The following C6orf89 variants were observed in gnomAD, a reference collection of about 807,000 sequenced individuals.
The protein encoded by C6orf89 is bombesin receptor-activated protein C6orf89.
Under a neutral mutation model 40.7 loss-of-function variants are expected in C6orf89, and 29 were observed. That is an observed-to-expected ratio of 0.71 (90% CI 0.53 to 0.97). The LOEUF is 0.97. Among genes scored for constraint, C6orf89 ranks in the 50% least tolerant of loss-of-function variants. The pLI, the probability that C6orf89 is intolerant of heterozygous loss-of-function variation, is 0.00. For missense variants in C6orf89, 392 were observed against 429.1 expected, an observed-to-expected ratio of 0.91 and a Z score of 0.76; for synonymous variants, 165 against 152.2, an observed-to-expected ratio of 1.08 and a Z score of -0.62.
upstream of C6orf89, among the ~76,000 whole-genome samples, chr6:36,882,292 T>C (rs1199564280): frequency 6.6e-6 from 1 of 152,278 alleles, no homozygotes; most frequent in Non-Finnish European, 1.5e-5. Context: ...AATCAAGCTC[T>C]AGATTATCAT....
chr6:36,888,223 T>C (rs1775066740), intron 1 of C6orf89, among the ~76,000 whole-genome samples: 1 of 152,148 alleles, frequency 6.6e-6, no homozygotes, highest in African/African-American at 2.4e-5. Context: ...AAATCTAGAA[T>C]TTGCATCCAG....
chr6:36,910,430 A>G (rs1190046378), intron 4 of C6orf89, among the ~76,000 whole-genome samples: 8 of 152,162 alleles, frequency 5.3e-5, no homozygotes, highest in African/African-American at 1.4e-4. Context: ...TTAAAAATCT[A>G]TGTTTATCCT....
At chr6:36,906,549 A>G (rs1036387515) in intron 4 of C6orf89, among the ~76,000 whole-genome samples, 1 of 152,058 alleles carries the variant, frequency 6.6e-6, no homozygotes, top group Non-Finnish European at 1.5e-5. Context: ...TTTAGAAACA[A>G]ATTTTTGTAC....
chr6:36,915,194 C>T (rs1195654578), intron 6 of C6orf89, among the ~76,000 whole-genome samples: 1 of 152,034 alleles, frequency 6.6e-6, no homozygotes, highest in Non-Finnish European at 1.5e-5. Flanking sequence ...AGGGGTGCCA[C>T]CATGGGGGGG....
At chr6:36,885,829 C>T (rs1774953784), upstream of C6orf89, 1 of 416,058 alleles carries the variant, frequency 2.4e-6, no homozygotes, top group Non-Finnish European at 4.1e-6. Context: ...AGAGGTCCCG[C>T]GCTCGCCACG....
At chr6:36,885,788 G>C, upstream of C6orf89, 1 of 387,814 alleles carries the variant, frequency 2.6e-6, no homozygotes. Context: ...ACGCCAGGGG[G>C]AGCAAGAACC....
chr6:36,874,894 G>T, intron 1 of C6orf89: 2 of 1,134,448 alleles, frequency 1.8e-6, no homozygotes, highest in Non-Finnish European at 2.6e-6. Context: ...GATTTGGGTG[G>T]CCAAGACAAG....
Position 36,923,354 on chromosome 6 carries a change from C to A in C6orf89, c.957C>A (p.Val319=), listed in dbSNP as rs534970334. The A allele has an allele frequency of 6.2e-7, 1 of 1,613,414 alleles. No homozygotes were observed. Among genetic ancestry groups the A allele is most frequent in the Admixed American group, 1.7e-5 (1 of 60,010 alleles). The change falls in exon 9 of 9, where the codon GTC becomes GTA. Residue 319 remains valine (V), a synonymous_variant. Coordinates refer to ENST00000480824, the MANE Select transcript of C6orf89 (RefSeq NM_001286635.2). The part of the protein sequence containing the change: ...MPIEPGDIGY[V]DTTHWKVYVI... ...TTGCTATTTCCCCTCAAGGCTATGT[C>A]GACACCACCCACTGGAAGGTCTACG...
Position 36,899,343 on chromosome 6 carries a change from C to G in C6orf89, c.-19-83C>G, listed in dbSNP as rs972490550. The G allele has an allele frequency of 6.1e-5, 79 of 1,286,042 alleles. No homozygotes were observed. In the African/African-American group the frequency reaches 9.2e-4, roughly 15 times the overall value. The allele number at this position is 1,286,042 out of a possible 1,614,324, so 79.7% of individuals were successfully genotyped here. On this transcript the variant is annotated intron_variant, in intron 2 of 8. Coordinates refer to ENST00000480824, the MANE Select transcript of C6orf89 (RefSeq NM_001286635.2). ...AAAGCACAAAACTGGTCCTTCTCTA[C>G]AGATGGTCAAGTAGCTTTGAAGAGG...
At chr6:36,902,482 A>T in intron 4 of C6orf89, 48 bp downstream of exon 4, 1 of 1,546,622 alleles carries the variant, frequency 6.5e-7, no homozygotes, top group South Asian at 1.1e-5. Flanking sequence ...TCTTGACAGT[A>T]TATGATAGGA....
At chr6:36,886,900 G>GT (rs1286507078) in intron 1 of C6orf89, among the ~76,000 whole-genome samples, 3 of 152,198 alleles carry the variant, frequency 2.0e-5, no homozygotes, top group Non-Finnish European at 2.9e-5. Flanking sequence ...CTACATTGAA[G>GT]TTTTGACTAA....
At chr6:36,903,000 CAG>C (rs1206712387) in intron 4 of C6orf89, among the ~76,000 whole-genome samples, 1 of 152,168 alleles carries the variant, frequency 6.6e-6, no homozygotes, top group Non-Finnish European at 1.5e-5. Context: ...AATTTAGTAA[CAG>C]TGCATCGGTG....
chr6:36,889,310 T>G (rs1330727297), intron 1 of C6orf89, among the ~76,000 whole-genome samples: 1 of 150,992 alleles, frequency 6.6e-6, no homozygotes, highest in Non-Finnish European at 1.5e-5. Context: ...GTCGGTGGAG[T>G]GAGGAGGCAG....
At position 36,902,216 on chromosome 6, in the gene C6orf89, T is replaced by A. The variant is rs758007131; in HGVS notation, c.190-5T>A. On this transcript the variant is annotated splice_polypyrimidine_tract_variant and splice_region_variant and intron_variant, in intron 3 of 8. Transcript: ENST00000480824. The stretch of plus-strand genomic sequence containing the variant: ...GATTAATGCCTTTTCTATCTTTCCT[T>A]GTAGGTTCTCGCAACCTTGGGATTA... The A allele has an allele frequency of 1.2e-6, 2 of 1,613,812 alleles. No homozygotes were observed. Among genetic ancestry groups the A allele is most frequent in the Admixed American group, 1.7e-5 (1 of 60,028 alleles).
chr6:36,915,737 A>C (rs1195032315), intron 6 of C6orf89, among the ~76,000 whole-genome samples: 1 of 151,602 alleles, frequency 6.6e-6, no homozygotes, highest in African/African-American at 2.4e-5. Flanking sequence ...AGGGGGAAAG[A>C]AAGAAAGAAA....
chr6:36,878,811 T>G (rs569115984), intron 1 of C6orf89, among the ~76,000 whole-genome samples: 21 of 152,326 alleles, frequency 1.4e-4, no homozygotes, highest in Admixed American at 1.4e-3. Flanking sequence ...CTTTAACCAA[T>G]CTCGCTGTTT....
chr6:36,914,999 G>A (rs913424372), intron 6 of C6orf89, among the ~76,000 whole-genome samples: 4 of 151,830 alleles, frequency 2.6e-5, no homozygotes, highest in African/African-American at 9.7e-5. Context: ...CAAAAAAATG[G>A]GGGGGCTATG....
intron 1 of C6orf89, among the ~76,000 whole-genome samples, chr6:36,876,176 G>A (rs943977478): frequency 6.6e-6 from 1 of 152,146 alleles, no homozygotes; most frequent in African/African-American, 2.4e-5. Context: ...TGGACTTTAT[G>A]TAGTTCTTTA....
intron 6 of C6orf89, among the ~76,000 whole-genome samples, chr6:36,915,264 G>A (rs759240851): frequency 2.0e-5 from 3 of 152,196 alleles, no homozygotes; most frequent in Non-Finnish European, 4.4e-5. Flanking sequence ...AGCATTTTAT[G>A]TAGAATGGGG....
Sources: allele counts gnomAD v4.1 joint callset (sites outside exome capture counted in the v4.1 genomes callset), GRCh38; gene constraint gnomAD v4.1.1; transcripts MANE v1.5; gene names NCBI Gene and HGNC (gene_info 2026-07-23, HGNC 2026-07-21).